MRPL42: variants seen among roughly 807,000 people sequenced by gnomAD.
The protein encoded by MRPL42 is mitochondrial ribosomal protein L42.
In MRPL42, 17 loss-of-function variants were observed where a neutral mutation model predicts 17.9. That is an observed-to-expected ratio of 0.95 (90% confidence interval 0.65 to 1.42). The LOEUF (loss-of-function observed/expected upper bound fraction) is 1.42. Ranked by LOEUF, MRPL42 falls within the 40% of genes most tolerant of loss-of-function variation. The pLI is 0.00. For missense variants in MRPL42, 177 were observed against 175.2 expected (o/e 1.01, Z -0.06); for synonymous variants, 59 against 54.4 (o/e 1.08, Z -0.37).
chr12:93,471,307 G>A (rs1879898116), intron 2 of MRPL42, among the ~76,000 whole-genome samples: 1 of 152,026 alleles, frequency 6.6e-6, no homozygotes, highest in African/African-American at 2.4e-5. Context: ...GGGATTATAG[G>A]CACCTACCAC....
intron 3 of MRPL42, among the ~76,000 whole-genome samples, chr12:93,477,468 A>T (rs1049095581): frequency 5.3e-5 from 8 of 152,232 alleles, no homozygotes; most frequent in African/African-American, 1.2e-4. Context: ...TAGGAATAAC[A>T]TATGACATTG....
intron 4 of MRPL42, among the ~76,000 whole-genome samples, chr12:93,484,987 T>TAC (rs1555201400): frequency 0.034 from 503 of 14,704 alleles, 52 homozygotes; most frequent in African/African-American, 0.083. Flanking sequence ...CACATATATA[T>TAC]ATATATATAT....
chr12:93,470,534 T>A, intron 2 of MRPL42: 1 of 1,296,268 alleles, frequency 7.7e-7, no homozygotes, highest in Non-Finnish European at 1.0e-6. Flanking sequence ...TTACATATAC[T>A]GAGGTTTGGG....
rs1953774681 is a variant in MRPL42 at position 93,515,690 on chromosome 12, T to C, written c.*14469T>C. On this transcript the variant is annotated 3_prime_UTR_variant, in exon 6 of 6. Transcript: ENST00000549982. ...GGGTTGGCAACTAATTTACACGGAA[T>C]GGCAGAGAGTGATTAATGAAAAAGC... 6.6e-6 allele frequency: 1 copy of C among 152,154 alleles called. No individual in the cohort carries two copies. The highest frequency in any genetic ancestry group is 1.5e-5 in the Non-Finnish European group (1 of 68,024). 9.4% of individuals were successfully genotyped at this position (152,154 alleles called of 1,614,324 possible).
At chr12:93,489,946 G>A (rs1232655605) in intron 5 of MRPL42, among the ~76,000 whole-genome samples, 2 of 152,174 alleles carry the variant, frequency 1.3e-5, no homozygotes, top group African/African-American at 4.8e-5. Flanking sequence ...CCATCTCATA[G>A]CCCTGTGCCT....
intron 3 of MRPL42, among the ~76,000 whole-genome samples, chr12:93,478,282 T>C (rs1320063660): frequency 1.3e-5 from 2 of 151,888 alleles, no homozygotes; most frequent in Non-Finnish European, 2.9e-5. Context: ...GGGTCTCGCT[T>C]TGTCACCCAG....
Position 93,487,399 on chromosome 12 carries a change from T to TG in MRPL42, c.220-97dup, listed in dbSNP as rs1880795501. 9 of 1,113,430 alleles carry TG rather than the reference T, an allele frequency of 8.1e-6. No individual in the cohort carries two copies. The South Asian group carries it at 1.4e-4, about 17-fold the overall frequency. 69.0% of individuals were successfully genotyped at this position (1,113,430 alleles called of 1,614,324 possible). A position where few individuals can be genotyped will look rare whatever the true frequency, so the allele number is the denominator to read the frequency against. On this transcript the variant is annotated intron_variant, in intron 4 of 5. Coordinates refer to ENST00000549982, the MANE Select transcript of MRPL42 (RefSeq NM_014050.4). Reference sequence around the variant, plus strand: ...ATTTGCCCACCCTAAAGTACTATAGTGAATTACTGAATATGGTAATTGTTT... The same window carrying TG: ...ATTTGCCCACCCTAAAGTACTATAGTGGAATTACTGAATATGGTAATTGTTT...
chr12:93,467,825 T>C (rs6538421), intron 1 of MRPL42, among the ~76,000 whole-genome samples: 78,372 of 151,990 alleles, frequency 0.52, 20,279 homozygotes, highest in Non-Finnish European at 0.53. Flanking sequence ...TCTGGTGCTC[T>C]TGGTAGCCTG....
At chr12:93,474,780 C>T (rs1435034701) in intron 2 of MRPL42, among the ~76,000 whole-genome samples, 1 of 151,990 alleles carries the variant, frequency 6.6e-6, no homozygotes, top group Non-Finnish European at 1.5e-5. Context: ...AGGAAGGTCC[C>T]AGTGATGTCA....
chr12:93,513,156 G>C lies in MRPL42; in HGVS notation c.*11935G>C, dbSNP rs1953740280. On this transcript the variant is annotated 3_prime_UTR_variant, in exon 6 of 6. Coordinates refer to ENST00000549982, the MANE Select transcript of MRPL42 (RefSeq NM_014050.4). ...CTGGATTACATATTTTAACGAGAAA[G>C]AAACCAGCTCATTTGTGACATTTAG... 1 of 144,352 alleles carries C rather than the reference G, an allele frequency of 6.9e-6. No individual in the cohort carries two copies. The highest frequency in any genetic ancestry group is 1.5e-5 in the Non-Finnish European group (1 of 66,090). The allele number at this position is 144,352 out of a possible 1,614,324, so 8.9% of individuals were successfully genotyped here.
rs560747265 is a variant in MRPL42 at position 93,502,050 on chromosome 12, A to G, written c.*829A>G. On this transcript the variant is annotated 3_prime_UTR_variant, in exon 6 of 6. Coordinates refer to ENST00000549982, the MANE Select transcript of MRPL42 (RefSeq NM_014050.4). The stretch of plus-strand genomic sequence containing the variant: ...CCAGGAGCCAAACTATCAGGCTCCA[A>G]AGCTTTTTTTTAGTGCATCACAATG... 4 of 152,304 alleles carry G rather than the reference A, an allele frequency of 2.6e-5. No homozygotes were observed. Among genetic ancestry groups the G allele is most frequent in the East Asian group, 3.9e-4 (2 of 5,186 alleles). The allele number at this position is 152,304 out of a possible 1,614,324, so 9.4% of individuals were successfully genotyped here. A position where few individuals can be genotyped will look rare whatever the true frequency, so the allele number is the denominator to read the frequency against.
In MRPL42 at chr12:93,511,141, G is replaced by C. The variant is rs190825249; in HGVS notation, c.*9920G>C. ...ATAAATATAATTCTTCATATACTGA[G>C]TTCAGTTTTTTAGCCATAAATGAAG... On this transcript the variant is annotated 3_prime_UTR_variant, in exon 6 of 6. Coordinates refer to ENST00000549982, the MANE Select transcript of MRPL42 (RefSeq NM_014050.4). 6.6e-6 allele frequency: 1 copy of C among 152,116 alleles called. No individual in the cohort carries two copies. The highest frequency in any genetic ancestry group is 2.4e-5 in the African/African-American group (1 of 41,422). The allele number at this position is 152,116 out of a possible 1,614,324, so 9.4% of individuals were successfully genotyped here.
intron 4 of MRPL42, among the ~76,000 whole-genome samples, chr12:93,483,518 G>A (rs563473376): frequency 3.9e-5 from 6 of 152,140 alleles, no homozygotes; most frequent in East Asian, 3.9e-4. Context: ...GTATCTAAAC[G>A]TATTTAAACA....
chr12:93,481,753 C>A (rs948411518), intron 4 of MRPL42, among the ~76,000 whole-genome samples: 25 of 152,304 alleles, frequency 1.6e-4, no homozygotes, highest in South Asian at 4.1e-4. Flanking sequence ...CCTTCCCAGT[C>A]TAAATTTTAA....
chr12:93,471,963 GT>G (rs1334477972), intron 2 of MRPL42, among the ~76,000 whole-genome samples: 2 of 152,154 alleles, frequency 1.3e-5, no homozygotes, highest in Non-Finnish European at 2.9e-5. Context: ...GAAACAATTA[GT>G]CCTCACACAG....
chr12:93,484,079 G>C (rs912980844), intron 4 of MRPL42, among the ~76,000 whole-genome samples: 1 of 152,056 alleles, frequency 6.6e-6, no homozygotes, highest in African/African-American at 2.4e-5. Flanking sequence ...CATCTCCTAT[G>C]ATAACAGTGT....
Position 93,484,963 on chromosome 12 carries a change from C to A in MRPL42, c.220-2534C>A, listed in dbSNP as rs1415695271. On this transcript the variant is annotated intron_variant, in intron 4 of 5. Coordinates refer to ENST00000549982, the MANE Select transcript of MRPL42 (RefSeq NM_014050.4). ...GCCACCTCCATTGCTTTTTAAAAAA[C>A]ACACACACACACACACATATATATA... Among the ~76,000 whole-genome samples the A allele has an allele frequency of 2.1e-3, 24 of 11,328 alleles. 2 individuals carry two copies. The highest frequency in any genetic ancestry group is 3.1e-3 in the Non-Finnish European group (15 of 4,784). 7.4% of individuals were successfully genotyped at this position (11,328 alleles called of 152,430 possible).
chr12:93,469,334 A>G lies in MRPL42; in HGVS notation c.49A>G (p.Lys17Glu). The change falls in exon 2 of 6, where the codon AAA becomes GAA. Residue 17 changes from lysine to glutamate, a missense_variant. By Grantham distance (56) the Lys-to-Glu change is moderately conservative (BLOSUM62 1). Coordinates refer to ENST00000549982, the MANE Select transcript of MRPL42 (RefSeq NM_014050.4). ...GGTGATGTCAAAGAGAACTATCTTGAAACATTTATTTCCAGTCCAAAGTAA... is the reference window on the plus strand; with the variant it reads ...GGTGATGTCAAAGAGAACTATCTTGGAACATTTATTTCCAGTCCAAAGTAA... ...KWVMSKRTIL[K>E]HLFPVQNGAL... is the part of the protein sequence containing the mutation. 6.2e-7 allele frequency: 1 copy of G among 1,610,692 alleles called. No individual in the cohort carries two copies. Among genetic ancestry groups the G allele is most frequent in the Middle Eastern group, 1.7e-4 (1 of 6,052 alleles).
At chr12:93,480,567 A>C (rs1358033320) in intron 4 of MRPL42, among the ~76,000 whole-genome samples, 6 of 141,902 alleles carry the variant, frequency 4.2e-5, no homozygotes, top group African/African-American at 1.6e-4. Context: ...TTTGAGACTG[A>C]GTCTCACTCT....
Sources: allele counts gnomAD v4.1 joint callset (sites outside exome capture counted in the v4.1 genomes callset), GRCh38; gene constraint gnomAD v4.1.1; transcripts MANE v1.5; gene names NCBI Gene and HGNC (gene_info 2026-07-23, HGNC 2026-07-21).